Variants in GAS7 observed in about 807,000 individuals in gnomAD.
GAS7 encodes the protein growth arrest specific 7, also known as growth arrest-specific protein 7.
GAS7 carries 28 observed loss-of-function variants against 71.1 expected under a neutral mutation model. The observed-to-expected ratio is 0.39, with a 90% confidence interval of 0.29 to 0.54. The LOEUF (loss-of-function observed/expected upper bound fraction) is 0.54, where lower values mean the gene tolerates loss of function less well. Ranked by LOEUF, GAS7 falls within the 20% of genes least tolerant of loss-of-function variation. The probability of loss-of-function intolerance (pLI) is 0.62; values close to 1 mark genes in which losing one functional copy is unlikely to be tolerated. For missense variants in GAS7, 436 were observed against 627.8 expected (o/e 0.69, Z 3.27); for synonymous variants, 258 against 245.8 (o/e 1.05, Z -0.46).
At chr17:9,975,454 C>A (rs962496519) in intron 3 of GAS7, among the ~76,000 whole-genome samples, 1 of 143,176 alleles carries the variant, frequency 7.0e-6, no homozygotes, top group Non-Finnish European at 1.5e-5. Context: ...CTCTCTTCTT[C>A]CCTCCCTCCC....
At chr17:10,151,718 T>A (rs1241073367) in intron 1 of GAS7, among the ~76,000 whole-genome samples, 1 of 152,136 alleles carries the variant, frequency 6.6e-6, no homozygotes, top group Non-Finnish European at 1.5e-5. Context: ...CTACTTTTTT[T>A]ATTTTTTACA....
At chr17:9,976,178 T>TA (rs1300335750) in intron 3 of GAS7, among the ~76,000 whole-genome samples, 1 of 152,260 alleles carries the variant, frequency 6.6e-6, no homozygotes, top group African/African-American at 2.4e-5. Context: ...GACAGACTGA[T>TA]AAAAGATTTT....
chr17:10,099,701 C>T (rs2073680135), intron 1 of GAS7, among the ~76,000 whole-genome samples: 1 of 152,166 alleles, frequency 6.6e-6, no homozygotes, highest in African/African-American at 2.4e-5. Flanking sequence ...GAAGCTGAAT[C>T]TCTGTGACTT....
chr17:10,071,734 T>G (rs903801350), intron 1 of GAS7, among the ~76,000 whole-genome samples: 5 of 151,816 alleles, frequency 3.3e-5, no homozygotes, highest in Non-Finnish European at 7.4e-5. Flanking sequence ...AGACCAGCCT[T>G]GCCAATATGG....
At chr17:9,953,417 A>G (rs7217225) in intron 5 of GAS7, among the ~76,000 whole-genome samples, 60,732 of 152,066 alleles carry the variant, frequency 0.4, 13,679 homozygotes, top group African/African-American at 0.62. Flanking sequence ...CCTCCCAGGA[A>G]GCCCACTGGG....
In GAS7 at chr17:10,016,966, T is replaced by TA. The variant is rs199925021; in HGVS notation, c.304+2810dup. On this transcript the variant is annotated intron_variant, in intron 2 of 13. Transcript: ENST00000432992. ...CCCTGTCTCAAATAAATAAAAAATA[T>TA]AAAAAAATAAAGAAATCAGCCGGGC... Among the ~76,000 whole-genome samples the TA allele has an allele frequency of 8.9e-3, 999 of 111,982 alleles. 13 individuals are homozygous for TA. Among genetic ancestry groups the TA allele is most frequent in the East Asian group, 0.067 (283 of 4,220 alleles). 73.5% of individuals were successfully genotyped at this position (111,982 alleles called of 152,430 possible). A position where few individuals can be genotyped will look rare whatever the true frequency, so the allele number is the denominator to read the frequency against.
chr17:10,098,880 C>T (rs568153398), intron 1 of GAS7, among the ~76,000 whole-genome samples: 170 of 152,242 alleles, frequency 1.1e-3, no homozygotes, highest in African/African-American at 3.1e-3. Context: ...GGCGTGAACC[C>T]GGTAGGCGGA....
At chr17:10,009,286 A>C (rs2071662851) in intron 2 of GAS7, among the ~76,000 whole-genome samples, 1 of 138,866 alleles carries the variant, frequency 7.2e-6, no homozygotes, top group Non-Finnish European at 1.5e-5. Context: ...CCGCCACTGC[A>C]CTCCAGTCTG....
intron 1 of GAS7, among the ~76,000 whole-genome samples, chr17:10,126,442 A>ACG (rs779135003): frequency 4.6e-5 from 7 of 151,242 alleles, no homozygotes; most frequent in South Asian, 2.1e-4. Flanking sequence ...AGATGCACAC[A>ACG]CGCGCGCGCG....
At chr17:10,157,016 G>A (rs916401540) in intron 1 of GAS7, among the ~76,000 whole-genome samples, 2 of 152,096 alleles carry the variant, frequency 1.3e-5, no homozygotes, top group African/African-American at 2.4e-5. Context: ...GGCCTTGGTC[G>A]GTGGCTCCTT....
chr17:10,086,551 CA>C (rs1334655560), intron 1 of GAS7, among the ~76,000 whole-genome samples: 1 of 152,044 alleles, frequency 6.6e-6, no homozygotes, highest in Admixed American at 6.6e-5. Flanking sequence ...GAGTGAAAGC[CA>C]AAGGTAGGGT....
intron 11 of GAS7, among the ~76,000 whole-genome samples, chr17:9,920,160 A>G (rs1427089948): frequency 6.8e-6 from 1 of 146,252 alleles, no homozygotes; most frequent in African/African-American, 2.6e-5. Context: ...TAATTAAGGA[A>G]GATAAATTTG....
chr17:10,090,359 T>A (rs2073569051), intron 1 of GAS7, among the ~76,000 whole-genome samples: 1 of 152,172 alleles, frequency 6.6e-6, no homozygotes, highest in Admixed American at 6.5e-5. Flanking sequence ...CACACCAGGA[T>A]GCAATGTAAA....
At chr17:10,001,624 G>T (rs1250337413) in intron 2 of GAS7, among the ~76,000 whole-genome samples, 1 of 152,076 alleles carries the variant, frequency 6.6e-6, no homozygotes. Flanking sequence ...TAGAGATGGG[G>T]GAATTGCAAT....
chr17:9,952,485 G>A (rs576896721), intron 5 of GAS7, among the ~76,000 whole-genome samples: 4 of 152,132 alleles, frequency 2.6e-5, no homozygotes, highest in South Asian at 2.1e-4. Flanking sequence ...TCCACCTCCC[G>A]GGTTCAAGCG....
intron 5 of GAS7, among the ~76,000 whole-genome samples, chr17:9,955,241 G>A (rs1299711897): frequency 6.6e-6 from 1 of 152,144 alleles, no homozygotes; most frequent in Non-Finnish European, 1.5e-5. Flanking sequence ...GGTGGGACAG[G>A]ACTTTCCGCA....
intron 1 of GAS7, among the ~76,000 whole-genome samples, chr17:10,122,484 C>T (rs1002434633): frequency 2.6e-5 from 4 of 152,134 alleles, no homozygotes; most frequent in Non-Finnish European, 5.9e-5. Flanking sequence ...CCCTGGGACC[C>T]GACTCAACAA....
chr17:9,995,390 G>A (rs1013622896), intron 2 of GAS7, among the ~76,000 whole-genome samples: 2 of 152,072 alleles, frequency 1.3e-5, no homozygotes, highest in African/African-American at 4.8e-5. Context: ...AAGAGACGAG[G>A]GAAAGACCAA....
chr17:9,917,215 T>G lies in GAS7; in HGVS notation c.*13A>C. 2.1e-5 allele frequency: 28 copies of G among 1,363,452 alleles called. No homozygotes were observed. The highest frequency in any genetic ancestry group is 2.8e-5 in the Non-Finnish European group (27 of 951,000). 84.5% of individuals were successfully genotyped at this position (1,363,452 alleles called of 1,614,324 possible). ...CCTCCCCAGCAGGACCCCCCGAAGC[T>G]GCACAGGCCCATCTAGATCTCCATG... On this transcript the variant is annotated 3_prime_UTR_variant, in exon 14 of 14. Coordinates refer to ENST00000432992, the MANE Select transcript of GAS7 (RefSeq NM_201433.2).
Sources: allele counts gnomAD v4.1 joint callset (sites outside exome capture counted in the v4.1 genomes callset), GRCh38; gene constraint gnomAD v4.1.1; transcripts MANE v1.5; gene names NCBI Gene and HGNC (gene_info 2026-07-23, HGNC 2026-07-21).